FOXP2: variants seen among roughly 807,000 people sequenced by gnomAD.
FOXP2 encodes the protein forkhead box P2.
FOXP2 carries 12 observed loss-of-function variants against 115.8 expected under a neutral mutation model. The observed-to-expected ratio is 0.10, with a 90% CI of 0.07 to 0.17. The LOEUF is 0.17. Among genes scored for constraint, FOXP2 ranks in the 10% least tolerant of loss-of-function variants. FOXP2 has a pLI of 1.00. For missense variants in FOXP2, 629 were observed against 843.5 expected, an observed-to-expected ratio of 0.75 and a Z score of 3.15; for synonymous variants, 328 against 297.7, an observed-to-expected ratio of 1.10 and a Z score of -1.05.
At position 114,535,700 on chromosome 7, in the gene FOXP2, A is replaced by G. The variant is rs1487021809; in HGVS notation, c.258+994A>G. Among the ~76,000 whole-genome samples, 4 of 151,568 alleles carry G rather than the reference A, an allele frequency of 2.6e-5. No homozygotes were observed. The East Asian group carries it at 7.7e-4, about 29-fold the overall frequency. Reference sequence around the variant, plus strand: ...CAATCCAAAAATTAGTTATTACCTAAAAACTGGATAAAATGTATGGTCCCT... The same window carrying G: ...CAATCCAAAAATTAGTTATTACCTAGAAACTGGATAAAATGTATGGTCCCT... On this transcript the variant is annotated intron_variant, in intron 3 of 16. Coordinates refer to ENST00000350908, the MANE Select transcript of FOXP2 (RefSeq NM_014491.4).
intron 3 of FOXP2, among the ~76,000 whole-genome samples, chr7:114,550,912 TTA>T (rs1257531539): frequency 2.6e-5 from 4 of 152,218 alleles, no homozygotes; most frequent in Admixed American, 2.6e-4. Flanking sequence ...TTTGATATGG[TTA>T]TGTTATTTGG....
At chr7:114,090,984 C>T (rs936531709) in intron 1 of FOXP2, among the ~76,000 whole-genome samples, 10 of 151,238 alleles carry the variant, frequency 6.6e-5, no homozygotes, top group African/African-American at 2.4e-4. Flanking sequence ...TTTTTTTAGC[C>T]CAGCTTTGGT....
intron 1 of FOXP2, among the ~76,000 whole-genome samples, chr7:114,093,630 CTT>C (rs986730199): frequency 1.4e-5 from 2 of 144,650 alleles, no homozygotes; most frequent in Non-Finnish European, 1.5e-5. Context: ...TTACTTTTTA[CTT>C]TTTTTTTTTT....
intron 1 of FOXP2, among the ~76,000 whole-genome samples, chr7:114,212,436 C>A (rs904765750): frequency 1.3e-5 from 2 of 150,726 alleles, no homozygotes; most frequent in African/African-American, 4.9e-5. Context: ...GGTTTTTTAC[C>A]CTCACAGATG....
upstream of FOXP2, among the ~76,000 whole-genome samples, chr7:114,161,851 T>G (rs188175755): frequency 5.3e-5 from 8 of 152,086 alleles, no homozygotes; most frequent in African/African-American, 1.9e-4. Flanking sequence ...ATCTCAATCT[T>G]GGCTCACTAC....
chr7:114,362,679 G>A (rs1225919525), intron 2 of FOXP2, among the ~76,000 whole-genome samples: 4 of 152,074 alleles, frequency 2.6e-5, no homozygotes, highest in Non-Finnish European at 5.9e-5. Context: ...GCCTTCAGAA[G>A]TGGTGGCATT....
chr7:114,534,578 C>G lies in FOXP2; in HGVS notation c.169-39C>G, dbSNP rs765817471. The G allele has an allele frequency of 1.3e-5, 20 of 1,558,292 alleles. No individual in the cohort carries two copies. In the Admixed American group the frequency reaches 3.2e-4, roughly 25 times the overall value. On this transcript the variant is annotated intron_variant, in intron 2 of 16. Transcript: ENST00000350908. ...AAGAGATAATTGATAACTTAACTTT[C>G]AACAAAATATTTAGATAAGGTTTCA...
intron 3 of FOXP2, among the ~76,000 whole-genome samples, chr7:114,542,574 GTTCCTT>G (rs1452262894): frequency 6.6e-6 from 1 of 151,922 alleles, no homozygotes; most frequent in Non-Finnish European, 1.5e-5. Flanking sequence ...TGGCTTCATT[GTTCCTT>G]AATCTTTTGG....
In FOXP2 at chr7:114,110,946, A is replaced by G. The variant is rs181348821; in HGVS notation, c.-247+23108A>G. Among the ~76,000 whole-genome samples, 26 of 152,290 alleles carry G rather than the reference A, an allele frequency of 1.7e-4. No individual in the cohort carries two copies. In the East Asian group the frequency reaches 4.8e-3, roughly 28 times the overall value. On this transcript the variant is annotated intron_variant, in intron 1 of 19. Transcript: ENST00000635638. ...CATTCATTCACTGATATGTTGGACT[A>G]GTATGATCTTAGAACACCCATAAAG...
At chr7:114,087,213 AC>A (rs1394636618), upstream of FOXP2, among the ~76,000 whole-genome samples, 1 of 152,162 alleles carries the variant, frequency 6.6e-6, no homozygotes, top group Non-Finnish European at 1.5e-5. Flanking sequence ...TCTCAGAAGT[AC>A]TTCTCCAGGA....
intron 2 of FOXP2, among the ~76,000 whole-genome samples, chr7:114,461,317 A>T (rs1379956483): frequency 6.6e-6 from 1 of 152,188 alleles, no homozygotes; most frequent in African/African-American, 2.4e-5. Flanking sequence ...GTCTGATCAC[A>T]TAAGAGTTTG....
Position 114,090,528 on chromosome 7 carries a change from G to C in FOXP2, c.-247+2690G>C, listed in dbSNP as rs118184166. 9.8e-3 allele frequency among the ~76,000 whole-genome samples: 1,486 copies of C among 151,758 alleles called. 8 individuals are homozygous for C. Among genetic ancestry groups the C allele is most frequent in the Non-Finnish European group, 0.017 (1,160 of 67,694 alleles). ...TTATTTATGTAGCCCTTAATTCATA[G>C]AGTTCAAATAAATCCAACCCAGAAA... On this transcript the variant is annotated intron_variant, in intron 1 of 19. Coordinates refer to the FOXP2 transcript ENST00000635638.
At chr7:114,312,979 T>C (rs1797182871) in intron 2 of FOXP2, among the ~76,000 whole-genome samples, 3 of 152,256 alleles carry the variant, frequency 2.0e-5, no homozygotes, top group Admixed American at 2.0e-4. Context: ...AAGGTCTTTA[T>C]AGAGTTGCAC....
intron 2 of FOXP2, among the ~76,000 whole-genome samples, chr7:114,473,256 G>A (rs945116958): frequency 6.6e-6 from 1 of 152,046 alleles, no homozygotes; most frequent in Non-Finnish European, 1.5e-5. Context: ...CAATTCCTGT[G>A]TTAGGTTCAG....
chr7:114,593,839 T>C (rs1301898546), intron 3 of FOXP2, among the ~76,000 whole-genome samples: 1 of 152,020 alleles, frequency 6.6e-6, no homozygotes, highest in East Asian at 1.9e-4. Context: ...TGCTTCATTT[T>C]ATATATATGA....
intron 2 of FOXP2, among the ~76,000 whole-genome samples, chr7:114,386,531 A>G (rs1363160176): frequency 6.6e-6 from 1 of 152,168 alleles, no homozygotes; most frequent in African/African-American, 2.4e-5. Context: ...TGGGCACAAG[A>G]TTGTAGTGGA....
intron 3 of FOXP2, among the ~76,000 whole-genome samples, chr7:114,588,946 C>T (rs1353950823): frequency 1.3e-5 from 2 of 152,134 alleles, no homozygotes; most frequent in African/African-American, 4.8e-5. Flanking sequence ...AGTGATTTTT[C>T]GTCACCATCA....
intron 2 of FOXP2, among the ~76,000 whole-genome samples, chr7:114,436,020 A>G (rs533670301): frequency 2.0e-5 from 3 of 152,268 alleles, no homozygotes; most frequent in Non-Finnish European, 2.9e-5. Flanking sequence ...TAATACGTGT[A>G]TTTCATGTAC....
intron 1 of FOXP2, among the ~76,000 whole-genome samples, chr7:114,267,278 G>C (rs1268658490): frequency 6.6e-6 from 1 of 151,960 alleles, no homozygotes; most frequent in Non-Finnish European, 1.5e-5. Context: ...CCTAGAAAAA[G>C]CTTATGAACA....
Sources: allele counts gnomAD v4.1 joint callset (sites outside exome capture counted in the v4.1 genomes callset), GRCh38; gene constraint gnomAD v4.1.1; transcripts MANE v1.5; gene names NCBI Gene and HGNC (gene_info 2026-07-23, HGNC 2026-07-21).